CASQ2: variants seen among roughly 807,000 people sequenced by gnomAD.
The protein encoded by CASQ2 is calsequestrin 2, also known as calsequestrin-2.
In CASQ2, 49 loss-of-function variants were observed where a neutral mutation model predicts 46.5. That is an observed-to-expected ratio of 1.05 (90% CI 0.84 to 1.34). The LOEUF is 1.34. Ranked by LOEUF, CASQ2 falls within the 40% of genes most tolerant of loss-of-function variation. The probability of loss-of-function intolerance (pLI) is 0.00; values close to 1 mark genes in which losing one functional copy is unlikely to be tolerated. For missense variants in CASQ2, 486 were observed against 481.3 expected (o/e 1.01, Z -0.09); for synonymous variants, 174 against 168.5 (o/e 1.03, Z -0.25).
intron 7 of CASQ2, among the ~76,000 whole-genome samples, chr1:115,720,870 T>C (rs78660133): frequency 0.025 from 3,774 of 152,206 alleles, 79 homozygotes; most frequent in Non-Finnish European, 0.038. Flanking sequence ...TTAACGCCTA[T>C]AGACTCAAAA....
rs750348757 is a variant in CASQ2, at chr1:115,727,641, C to G, written c.607-519G>C. Among the ~76,000 whole-genome samples the G allele has an allele frequency of 9.8e-5, 15 of 152,326 alleles. No homozygotes were observed. In the Middle Eastern group the frequency reaches 0.01, roughly 104 times the overall value. ...TTTTTAGGTTGAAGTGCTGGCCCTA[C>G]AGTTAAATCTCTCAGTACCCAACTT... On this transcript the variant is annotated intron_variant, in intron 5 of 10. Coordinates refer to ENST00000261448, the MANE Select transcript of CASQ2 (RefSeq NM_001232.4).
intron 1 of CASQ2, among the ~76,000 whole-genome samples, chr1:115,760,139 C>A (rs1394781136): frequency 6.6e-6 from 1 of 152,134 alleles, no homozygotes; most frequent in Non-Finnish European, 1.5e-5. Context: ...CTTAACATCC[C>A]AGCGACTCTC....
At chr1:115,753,612 G>A (rs1054818188) in intron 1 of CASQ2, among the ~76,000 whole-genome samples, 11 of 152,304 alleles carry the variant, frequency 7.2e-5, no homozygotes, top group Middle Eastern at 3.4e-3. Context: ...CCTGTGCTGC[G>A]TGACTGCCGC....
Position 115,721,408 on chromosome 1 carries a change from CAT to C in CASQ2, c.784-3516_784-3515del, listed in dbSNP as rs547504086. On this transcript the variant is annotated intron_variant, in intron 7 of 10. Transcript: ENST00000261448. ...ACCAGGCACCAGTTTCTTTAGTAAT[CAT>C]ATGTGATGTGTTTTCTATGGCCTGC... 6.3e-3 allele frequency among the ~76,000 whole-genome samples: 954 copies of C among 152,232 alleles called. 10 individuals carry two copies. The highest frequency in any genetic ancestry group is 8.9e-3 in the Admixed American group (136 of 15,292).
intron 9 of CASQ2, among the ~76,000 whole-genome samples, chr1:115,704,112 T>C (rs1040014308): frequency 1.3e-5 from 2 of 152,220 alleles, no homozygotes; most frequent in Admixed American, 1.3e-4. Flanking sequence ...CATGGAAGCC[T>C]CTGCCTTTGA....
At chr1:115,729,395 T>C (rs1211593721) in intron 5 of CASQ2, among the ~76,000 whole-genome samples, 1 of 152,168 alleles carries the variant, frequency 6.6e-6, no homozygotes, top group Non-Finnish European at 1.5e-5. Context: ...TGGTAAGGAC[T>C]GAAGGGATTT....
chr1:115,739,442 A>G (rs1648102553), intron 3 of CASQ2, among the ~76,000 whole-genome samples: 1 of 152,040 alleles, frequency 6.6e-6, no homozygotes, highest in Non-Finnish European at 1.5e-5. Flanking sequence ...TAATCCAGTC[A>G]TCTGCTGATG....
intron 7 of CASQ2, 27 bp downstream of exon 7, chr1:115,725,481 G>A (rs1570815433): frequency 6.2e-7 from 1 of 1,608,774 alleles, no homozygotes; most frequent in Non-Finnish European, 8.5e-7. Context: ...ATCTCTACAA[G>A]GCAAAGAGAG....
intron 5 of CASQ2, among the ~76,000 whole-genome samples, chr1:115,727,690 G>A (rs547992971): frequency 6.6e-6 from 1 of 152,228 alleles, no homozygotes; most frequent in Non-Finnish European, 1.5e-5. Flanking sequence ...TCAGGCTTTG[G>A]GAGCTGCCCA....
At position 115,700,114 on chromosome 1, in the gene CASQ2, C is replaced by T. The variant is rs563847192; in HGVS notation, c.*1127G>A. On this transcript the variant is annotated 3_prime_UTR_variant, in exon 11 of 11. Coordinates refer to ENST00000261448, the MANE Select transcript of CASQ2 (RefSeq NM_001232.4). The stretch of plus-strand genomic sequence containing the variant: ...TTCAAAAAATTTGCACAGTGTCTTA[C>T]ACATGTGCTAAAAGATTGAGAAAAT... The T allele has an allele frequency of 7.0e-6, 1 of 143,022 alleles. No individual in the cohort carries two copies. Among genetic ancestry groups the T allele is most frequent in the South Asian group, 2.3e-4 (1 of 4,280 alleles). The allele number at this position is 143,022 out of a possible 1,614,324, so 8.9% of individuals were successfully genotyped here. A position where few individuals can be genotyped will look rare whatever the true frequency, so the allele number is the denominator to read the frequency against.
intron 1 of CASQ2, among the ~76,000 whole-genome samples, chr1:115,765,752 G>A (rs1407790497): frequency 6.6e-6 from 1 of 152,048 alleles, no homozygotes; most frequent in Non-Finnish European, 1.5e-5. Flanking sequence ...AGGGGGAAGG[G>A]AGCTGCCTCC....
chr1:115,764,104 G>GA (rs1291887494), intron 1 of CASQ2, among the ~76,000 whole-genome samples: 1 of 151,548 alleles, frequency 6.6e-6, no homozygotes, highest in Admixed American at 6.6e-5. Context: ...ATTTATGAAA[G>GA]AAAAAATACA....
chr1:115,721,595 A>G (rs1647377549), intron 7 of CASQ2, among the ~76,000 whole-genome samples: 2 of 152,094 alleles, frequency 1.3e-5, no homozygotes, highest in African/African-American at 4.8e-5. Context: ...CTTTCGAAAC[A>G]GGGTTTCACT....
At chr1:115,709,050 A>C (rs1023708715) in intron 8 of CASQ2, among the ~76,000 whole-genome samples, 1 of 152,232 alleles carries the variant, frequency 6.6e-6, no homozygotes, top group African/African-American at 2.4e-5. Context: ...AAGGCTTAAA[A>C]GCCTCCAAGG....
intron 5 of CASQ2, among the ~76,000 whole-genome samples, chr1:115,729,046 T>TC (rs1276859801): frequency 7.8e-5 from 11 of 140,530 alleles, no homozygotes; most frequent in Non-Finnish European, 9.3e-5. Flanking sequence ...TTTTTTTTTT[T>TC]TTTTTTTTTT....
At chr1:115,731,825 C>A (rs908266476) in intron 5 of CASQ2, among the ~76,000 whole-genome samples, 5 of 152,176 alleles carry the variant, frequency 3.3e-5, no homozygotes, top group Admixed American at 2.0e-4. Context: ...GTGAGAAAAT[C>A]CATGTTAACT....
chr1:115,744,803 A>C (rs370016535), intron 2 of CASQ2, 25 bp downstream of exon 2: 1 of 1,515,974 alleles, frequency 6.6e-7, no homozygotes, highest in South Asian at 1.1e-5. Flanking sequence ...TTTCCCACAT[A>C]CAGTATCTCA....
intron 1 of CASQ2, among the ~76,000 whole-genome samples, chr1:115,766,067 G>A (rs1389082612): frequency 1.3e-5 from 2 of 152,122 alleles, no homozygotes; most frequent in Admixed American, 6.5e-5. Context: ...CACTAATGGA[G>A]CCCAGGCCTC....
At chr1:115,712,244 ACAT>A (rs1185819064) in intron 8 of CASQ2, among the ~76,000 whole-genome samples, 1 of 152,168 alleles carries the variant, frequency 6.6e-6, no homozygotes, top group African/African-American at 2.4e-5. Context: ...AGGACAGGGG[ACAT>A]TGTCTGGGCC....
Sources: allele counts gnomAD v4.1 joint callset (sites outside exome capture counted in the v4.1 genomes callset), GRCh38; gene constraint gnomAD v4.1.1; transcripts MANE v1.5; gene names NCBI Gene and HGNC (gene_info 2026-07-23, HGNC 2026-07-21).